Variants in EVA1A observed in about 807,000 individuals in gnomAD.
The protein encoded by EVA1A is protein eva-1 homolog A.
EVA1A carries 7 observed loss-of-function variants against 9.8 expected under a neutral mutation model. That is an observed-to-expected ratio of 0.71 (90% CI 0.41 to 1.34). The LOEUF is 1.34. Among genes scored for constraint, EVA1A ranks in the 40% most tolerant of loss-of-function variants. EVA1A has a pLI of 0.01. For missense variants in EVA1A, 206 were observed against 205.9 expected, an observed-to-expected ratio of 1.00 and a Z score of 0.00; for synonymous variants, 90 against 85.6, an observed-to-expected ratio of 1.05 and a Z score of -0.28.
At chr2:75,532,057 G>A (rs1675674203) in intron 1 of EVA1A, among the ~76,000 whole-genome samples, 3 of 150,868 alleles carry the variant, frequency 2.0e-5, no homozygotes, top group South Asian at 2.1e-4. Context: ...CTACTCGGGA[G>A]GCTGAGGCAG....
intron 1 of EVA1A, among the ~76,000 whole-genome samples, chr2:75,535,223 TGA>T (rs1384702233): frequency 6.9e-6 from 1 of 144,080 alleles, no homozygotes; most frequent in Non-Finnish European, 1.5e-5. Flanking sequence ...AAACTCACAA[TGA>T]GATATCACTT....
chr2:75,544,620 G>GA (rs553510887), intron 1 of EVA1A, among the ~76,000 whole-genome samples: 32 of 150,754 alleles, frequency 2.1e-4, no homozygotes, highest in Admixed American at 9.9e-4. Context: ...TGGAGTTTCT[G>GA]AAAAAAAAAT....
intron 3 of EVA1A, among the ~76,000 whole-genome samples, chr2:75,505,513 T>C (rs1674585889): frequency 1.3e-5 from 2 of 152,194 alleles, no homozygotes. Context: ...TATGTGTACG[T>C]ATGTGGGTAT....
chr2:75,493,527 C>T lies in EVA1A; in HGVS notation c.168G>A (p.Arg56=), dbSNP rs368517958. The T allele has an allele frequency of 1.4e-4, 233 of 1,614,080 alleles. No individual in the cohort carries two copies. Among genetic ancestry groups the T allele is most frequent in the Non-Finnish European group, 1.9e-4 (224 of 1,180,038 alleles). The change falls in exon 4 of 4, where the codon AGG becomes AGA. Residue 56 remains arginine, a synonymous_variant. Coordinates refer to ENST00000393913, the MANE Select transcript of EVA1A (RefSeq NM_001135032.2). The stretch of plus-strand genomic sequence containing the variant: ...GCCTGCAGTCTGTGTGGCAAGAGAT[C>T]CTTATCACCAGAGCAGCCAGGGTCA... ...LVLTLAALVI[R]ISCHTDCRRR...
At chr2:75,506,743 C>T (rs1674632937) in intron 3 of EVA1A, among the ~76,000 whole-genome samples, 1 of 152,164 alleles carries the variant, frequency 6.6e-6, no homozygotes, top group Admixed American at 6.5e-5. Context: ...ACTATCAAGT[C>T]TTAGGACACA....
At chr2:75,498,495 A>C (rs554483985) in intron 3 of EVA1A, among the ~76,000 whole-genome samples, 36 of 152,242 alleles carry the variant, frequency 2.4e-4, no homozygotes, top group South Asian at 1.2e-3. Flanking sequence ...AGTAAAAAAA[A>C]CCCCAAAAAA....
chr2:75,557,619 G>C (rs554736106), intron 1 of EVA1A, among the ~76,000 whole-genome samples: 7 of 152,334 alleles, frequency 4.6e-5, no homozygotes, highest in African/African-American at 1.7e-4. Flanking sequence ...TGGAGTCACA[G>C]AGTTTTCGAC....
In EVA1A at chr2:75,526,724, T is replaced by C. The variant is rs1359612149; in HGVS notation, c.-191-4237A>G. Among the ~76,000 whole-genome samples, 3 of 152,284 alleles carry C rather than the reference T, an allele frequency of 2.0e-5. No individual in the cohort carries two copies. In the East Asian group the frequency reaches 5.8e-4, roughly 29 times the overall value. ...AGGAGCAAAGGGATAGGCAGAGAAA[T>C]TGAACAGAAGTCAAAGCTGCAAAGG... On this transcript the variant is annotated intron_variant, in intron 1 of 3. Coordinates refer to ENST00000393913, the MANE Select transcript of EVA1A (RefSeq NM_001135032.2).
intron 3 of EVA1A, among the ~76,000 whole-genome samples, chr2:75,510,643 A>C (rs1674777578): frequency 6.6e-6 from 1 of 152,240 alleles, no homozygotes. Flanking sequence ...GGGAAAAATA[A>C]TCACCCAAAA....
chr2:75,511,905 A>C (rs1426043911), intron 3 of EVA1A, among the ~76,000 whole-genome samples: 1 of 152,154 alleles, frequency 6.6e-6, no homozygotes, highest in Non-Finnish European at 1.5e-5. Context: ...GATGATGGTA[A>C]GGTGATAAGG....
At chr2:75,509,189 T>C (rs1488283924) in intron 3 of EVA1A, among the ~76,000 whole-genome samples, 2 of 152,186 alleles carry the variant, frequency 1.3e-5, no homozygotes, top group South Asian at 2.1e-4. Flanking sequence ...ATATGTCCTA[T>C]AAAAATTTAA....
intron 2 of EVA1A, 71 bp from the exon 3 acceptor site, chr2:75,518,279 A>G: frequency 1.4e-6 from 2 of 1,407,936 alleles, no homozygotes; most frequent in East Asian, 2.5e-5. Context: ...GGTAGCCTGG[A>G]CTCCTAAAGA....
At chr2:75,549,803 C>G (rs1250184015) in intron 1 of EVA1A, among the ~76,000 whole-genome samples, 1 of 152,166 alleles carries the variant, frequency 6.6e-6, no homozygotes, top group Non-Finnish European at 1.5e-5. Flanking sequence ...TTGGGAGAGC[C>G]CTTTCCATAA....
chr2:75,511,970 G>C (rs1357407300), intron 3 of EVA1A, among the ~76,000 whole-genome samples: 2 of 152,194 alleles, frequency 1.3e-5, no homozygotes, highest in East Asian at 3.9e-4. Context: ...TGTGTGTTTT[G>C]GGGAGAAGTG....
At chr2:75,511,145 C>CAAAAAA (rs1558675643) in intron 3 of EVA1A, among the ~76,000 whole-genome samples, 1 of 152,116 alleles carries the variant, frequency 6.6e-6, no homozygotes, top group Non-Finnish European at 1.5e-5. Flanking sequence ...TGTCAAAGTT[C>CAAAAAA]AAAAGTTTGA....
intron 1 of EVA1A, among the ~76,000 whole-genome samples, chr2:75,547,570 T>C (rs1558690626): frequency 6.6e-6 from 1 of 152,176 alleles, no homozygotes. Flanking sequence ...CCCAAGACTT[T>C]TTTTTCCTTC....
chr2:75,550,790 C>T (rs1055904077), intron 1 of EVA1A, among the ~76,000 whole-genome samples: 1 of 152,184 alleles, frequency 6.6e-6, no homozygotes, highest in South Asian at 2.1e-4. Context: ...ATGGAGACAC[C>T]TCTCCCAGCG....
chr2:75,550,862 GC>G, intron 1 of EVA1A, among the ~76,000 whole-genome samples: 1 of 152,334 alleles, frequency 6.6e-6, no homozygotes, highest in South Asian at 2.1e-4. Context: ...GGTGGCTCAC[GC>G]CTGTAATCCC....
chr2:75,496,625 C>T (rs914666173), intron 3 of EVA1A, among the ~76,000 whole-genome samples: 5 of 152,000 alleles, frequency 3.3e-5, no homozygotes, highest in Admixed American at 3.3e-4. Context: ...TTTACAGATT[C>T]AATGCTATTC....
Sources: allele counts gnomAD v4.1 joint callset (sites outside exome capture counted in the v4.1 genomes callset), GRCh38; gene constraint gnomAD v4.1.1; transcripts MANE v1.5; gene names NCBI Gene and HGNC (gene_info 2026-07-23, HGNC 2026-07-21).